SHISA9: variants seen among roughly 807,000 people sequenced by gnomAD.
The protein encoded by SHISA9 is protein shisa-9.
In SHISA9, 13 loss-of-function variants were observed where a neutral mutation model predicts 38.0. That is an observed-to-expected ratio of 0.34 (90% CI 0.22 to 0.54). The LOEUF is 0.54. Among genes scored for constraint, SHISA9 ranks in the 20% least tolerant of loss-of-function variants. The probability of loss-of-function intolerance (pLI) is 0.91; values close to 1 mark genes in which losing one functional copy is unlikely to be tolerated. For synonymous variants in SHISA9, 275 were observed against 242.0 expected, an observed-to-expected ratio of 1.14 and a Z score of -1.27; for missense variants, 538 against 575.8, an observed-to-expected ratio of 0.93 and a Z score of 0.67.
At chr16:13,524,842 A>G in the SHISA9 span, among the ~76,000 whole-genome samples, 2 of 151,948 alleles carry the variant, frequency 1.3e-5, no homozygotes, top group Admixed American at 6.6e-5. Flanking sequence ...GGGCAGGATA[A>G]TTCTTTATTA....
intron 2 of SHISA9, among the ~76,000 whole-genome samples, chr16:13,047,146 T>C (rs1266489701): frequency 6.6e-6 from 1 of 152,190 alleles, no homozygotes; most frequent in Non-Finnish European, 1.5e-5. Context: ...TTCTCAACTC[T>C]TTTTACTTGC....
At chr16:13,064,383 T>C (rs763999635) in intron 2 of SHISA9, among the ~76,000 whole-genome samples, 26 of 152,148 alleles carry the variant, frequency 1.7e-4, no homozygotes, top group Admixed American at 1.0e-3. Flanking sequence ...CAAGAAAGAA[T>C]AGAACACATG....
chr16:13,062,925 T>A (rs2073392461), intron 2 of SHISA9, among the ~76,000 whole-genome samples: 1 of 152,204 alleles, frequency 6.6e-6, no homozygotes, highest in Non-Finnish European at 1.5e-5. Flanking sequence ...GAGACCACAG[T>A]GGCGAGGCTA....
the SHISA9 span, among the ~76,000 whole-genome samples, chr16:13,517,052 A>G: frequency 4.7e-3 from 721 of 152,298 alleles, 7 homozygotes; most frequent in African/African-American, 0.017. Context: ...GAATGTCTGC[A>G]GATATAATTA....
chr16:13,362,839 G>A, the SHISA9 span, among the ~76,000 whole-genome samples: 3 of 151,954 alleles, frequency 2.0e-5, no homozygotes, highest in Middle Eastern at 3.4e-3. Flanking sequence ...TCATTGCCTT[G>A]TTTTTTTCAA....
At chr16:13,274,028 A>G in the SHISA9 span, among the ~76,000 whole-genome samples, 1 of 152,190 alleles carries the variant, frequency 6.6e-6, no homozygotes, top group Admixed American at 6.5e-5. Context: ...ACCTTGAAAA[A>G]AATCACTTAA....
the SHISA9 span, among the ~76,000 whole-genome samples, chr16:13,283,341 G>A: frequency 7.6e-3 from 1,161 of 152,182 alleles, 14 homozygotes; most frequent in African/African-American, 0.027. Flanking sequence ...GGCCAAAGCG[G>A]TAGGTCTTAC....
intron 2 of SHISA9, among the ~76,000 whole-genome samples, chr16:12,986,663 A>G (rs1346955964): frequency 6.6e-6 from 1 of 152,190 alleles, no homozygotes; most frequent in African/African-American, 2.4e-5. Flanking sequence ...GAATCCATAC[A>G]CCTAGCTTCC....
At chr16:13,039,459 C>G (rs2073109295) in intron 2 of SHISA9, among the ~76,000 whole-genome samples, 1 of 150,380 alleles carries the variant, frequency 6.6e-6, no homozygotes, top group African/African-American at 2.5e-5. Context: ...AAAAGACATG[C>G]CTGCCCAATG....
chr16:12,931,699 C>G (rs868732572), intron 2 of SHISA9, among the ~76,000 whole-genome samples: 2 of 152,062 alleles, frequency 1.3e-5, no homozygotes, highest in African/African-American at 2.4e-5. Context: ...TTATTGGGCA[C>G]CTAGGTTGAT....
At chr16:13,472,582 T>G in the SHISA9 span, among the ~76,000 whole-genome samples, 1 of 151,728 alleles carries the variant, frequency 6.6e-6, no homozygotes, top group Non-Finnish European at 1.5e-5. Flanking sequence ...TTAGTAGAGA[T>G]GGGGTTTCAC....
chr16:13,557,791 G>C, the SHISA9 span, among the ~76,000 whole-genome samples: 1 of 152,108 alleles, frequency 6.6e-6, no homozygotes, highest in Admixed American at 6.6e-5. Flanking sequence ...TGTCATTCAA[G>C]ATTCGCCATC....
chr16:13,472,899 C>A, the SHISA9 span, among the ~76,000 whole-genome samples: 2 of 152,120 alleles, frequency 1.3e-5, no homozygotes, highest in Non-Finnish European at 2.9e-5. Context: ...GTTTTGATAT[C>A]TTGAATACAG....
chr16:13,482,816 AAGAG>A, the SHISA9 span, among the ~76,000 whole-genome samples: 2 of 148,934 alleles, frequency 1.3e-5, no homozygotes, highest in African/African-American at 5.0e-5. Flanking sequence ...AAAAAAAAAA[AAGAG>A]AGAGAGAGAC....
chr16:13,029,753 A>G (rs901098200), intron 2 of SHISA9, among the ~76,000 whole-genome samples: 1 of 152,250 alleles, frequency 6.6e-6, no homozygotes, highest in Non-Finnish European at 1.5e-5. Context: ...AATAAAAACA[A>G]TTGAACCCAT....
Position 12,913,987 on chromosome 16 carries a change from T to C in SHISA9, c.564-2701T>C, listed in dbSNP as rs1596526083. On this transcript the variant is annotated intron_variant, in intron 1 of 4. Coordinates refer to ENST00000558583, the MANE Select transcript of SHISA9 (RefSeq NM_001145204.3). ...TGTGTCCCAGGCTCTCTTGATCACA[T>C]TACTCTTATTTATTTGATTTGCAGC... Among the ~76,000 whole-genome samples, 3 of 152,196 alleles carry C rather than the reference T, an allele frequency of 2.0e-5. No homozygotes were observed. The Middle Eastern group carries it at 0.01, about 518-fold the overall frequency.
the SHISA9 span, among the ~76,000 whole-genome samples, chr16:13,562,100 C>G: frequency 6.6e-6 from 1 of 152,202 alleles, no homozygotes; most frequent in African/African-American, 2.4e-5. Flanking sequence ...GACTAACAGT[C>G]TTGCATCTTT....
chr16:13,239,266 TTGC>T lies in SHISA9; in HGVS notation c.*3859_*3861del, dbSNP rs2051415199. On this transcript the variant is annotated 3_prime_UTR_variant, in exon 5 of 5. Coordinates refer to ENST00000558583, the MANE Select transcript of SHISA9 (RefSeq NM_001145204.3). ...GGACTTTTGGGTTGGTTCCAAGTCTTTGCTATTGTGAATAGTGCCGCAATAAAC... is the reference window on the plus strand; with the variant it reads ...GGACTTTTGGGTTGGTTCCAAGTCTTTATTGTGAATAGTGCCGCAATAAAC... 1 of 151,918 alleles carries T rather than the reference TTGC, an allele frequency of 6.6e-6. No individual in the cohort carries two copies. The highest frequency in any genetic ancestry group is 1.5e-5 in the Non-Finnish European group (1 of 67,990). The allele number at this position is 151,918 out of a possible 1,614,324, so 9.4% of individuals were successfully genotyped here. A position where few individuals can be genotyped will look rare whatever the true frequency, so the allele number is the denominator to read the frequency against.
Position 13,170,202 on chromosome 16 carries a change from C to CAA in SHISA9, c.692-33175_692-33174dup, listed in dbSNP as rs71147788. ...TGGGCAACAGAGTGAGACTCCATCT[C>CAA]AAAAAAAAAAAAAAAAAAGAAAAGA... On this transcript the variant is annotated intron_variant, in intron 2 of 4. Transcript: ENST00000558583. 5.6e-3 allele frequency among the ~76,000 whole-genome samples: 519 copies of CAA among 91,936 alleles called. 7 individuals are homozygous for CAA. Among genetic ancestry groups the CAA allele is most frequent in the African/African-American group, 0.022 (499 of 22,436 alleles). The allele number at this position is 91,936 out of a possible 152,430, so 60.3% of individuals were successfully genotyped here.
Sources: allele counts gnomAD v4.1 joint callset (sites outside exome capture counted in the v4.1 genomes callset), GRCh38; gene constraint gnomAD v4.1.1; transcripts MANE v1.5; gene names NCBI Gene and HGNC (gene_info 2026-07-23, HGNC 2026-07-21).